Variants in NEGR1 observed in about 807,000 individuals in gnomAD.
NEGR1 encodes the protein IgLON family member 4.
In NEGR1, 10 loss-of-function variants were observed where a neutral mutation model predicts 40.9. The ratio of observed to expected loss-of-function variants is 0.24; its 90% confidence interval spans 0.15 to 0.42. NEGR1 has a LOEUF of 0.42. Ranked by LOEUF, NEGR1 falls within the 10% of genes least tolerant of loss-of-function variation. The pLI is 1.00. For synonymous variants in NEGR1, 185 were observed against 166.8 expected (o/e 1.11, Z -0.84); for missense variants, 352 against 438.9 (o/e 0.80, Z 1.77).
chr1:72,231,459 G>A (rs530331548), intron 1 of NEGR1, among the ~76,000 whole-genome samples: 2 of 152,266 alleles, frequency 1.3e-5, no homozygotes, highest in South Asian at 4.1e-4. Flanking sequence ...TGGGGACAAT[G>A]ATAGTACCTA....
intron 4 of NEGR1, among the ~76,000 whole-genome samples, chr1:71,629,230 A>T (rs1000191112): frequency 7.9e-5 from 12 of 151,892 alleles, no homozygotes; most frequent in Admixed American, 6.6e-4. Context: ...GTGTCTGTTC[A>T]TATCCTTTGC....
chr1:72,054,499 T>G (rs1021900524), intron 1 of NEGR1, among the ~76,000 whole-genome samples: 1 of 151,504 alleles, frequency 6.6e-6, no homozygotes, highest in Admixed American at 6.6e-5. Flanking sequence ...AAATAAATTT[T>G]ATTTTAAAAT....
At chr1:71,565,720 A>T (rs1648597458) in intron 6 of NEGR1, among the ~76,000 whole-genome samples, 1 of 152,190 alleles carries the variant, frequency 6.6e-6, no homozygotes, top group Admixed American at 6.5e-5. Context: ...TGGAGATAAG[A>T]TATTGAAAAG....
intron 1 of NEGR1, among the ~76,000 whole-genome samples, chr1:72,197,384 T>C (rs1368525064): frequency 1.3e-5 from 2 of 152,036 alleles, no homozygotes; most frequent in African/African-American, 4.8e-5. Flanking sequence ...ATTTTGCCTT[T>C]AGACTTCAAT....
At chr1:71,805,419 G>A (rs1197509149) in intron 2 of NEGR1, among the ~76,000 whole-genome samples, 1 of 151,898 alleles carries the variant, frequency 6.6e-6, no homozygotes, top group Non-Finnish European at 1.5e-5. Flanking sequence ...TGTCTCCCCC[G>A]GACACCCAGT....
intron 1 of NEGR1, among the ~76,000 whole-genome samples, chr1:72,006,949 G>A (rs1646613201): frequency 6.6e-6 from 1 of 151,988 alleles, no homozygotes; most frequent in African/African-American, 2.4e-5. Context: ...AATTAATAGT[G>A]CATTTTTTTG....
At chr1:71,433,284 T>C (rs1289302471) in intron 6 of NEGR1, among the ~76,000 whole-genome samples, 2 of 152,212 alleles carry the variant, frequency 1.3e-5, no homozygotes, top group East Asian at 1.9e-4. Flanking sequence ...AATAGTGAAA[T>C]GGTTACTGTA....
chr1:71,884,169 CTG>C (rs1660660670), intron 2 of NEGR1, among the ~76,000 whole-genome samples: 3 of 152,148 alleles, frequency 2.0e-5, no homozygotes, highest in African/African-American at 7.2e-5. Context: ...TTTCCTAACA[CTG>C]TGTTTAATTG....
chr1:71,974,320 G>A (rs985345570), intron 1 of NEGR1, among the ~76,000 whole-genome samples: 25 of 152,112 alleles, frequency 1.6e-4, no homozygotes, highest in Admixed American at 1.6e-3. Flanking sequence ...ACATTAATAT[G>A]TATTCTTATG....
intron 2 of NEGR1, among the ~76,000 whole-genome samples, chr1:71,866,195 A>G (rs1339573749): frequency 6.6e-6 from 1 of 152,128 alleles, no homozygotes; most frequent in African/African-American, 2.4e-5. Context: ...GGTTACAAAA[A>G]AACTACTTGA....
intron 1 of NEGR1, among the ~76,000 whole-genome samples, chr1:72,139,656 T>C (rs913630125): frequency 4.6e-5 from 7 of 152,028 alleles, no homozygotes; most frequent in African/African-American, 1.7e-4. Flanking sequence ...TGTAAAATTC[T>C]AGAAAATGAA....
At chr1:71,821,562 T>C (rs1295479277) in intron 2 of NEGR1, among the ~76,000 whole-genome samples, 2 of 151,996 alleles carry the variant, frequency 1.3e-5, no homozygotes, top group African/African-American at 2.4e-5. Flanking sequence ...GAAAGGGCTC[T>C]GAAGAGGTTC....
intron 3 of NEGR1, among the ~76,000 whole-genome samples, chr1:71,740,676 T>C (rs1655186194): frequency 6.6e-6 from 1 of 152,148 alleles, no homozygotes; most frequent in South Asian, 2.1e-4. Context: ...CTCAAGGGAC[T>C]GTATCATTGG....
At chr1:71,881,183 G>A (rs1660573998) in intron 2 of NEGR1, among the ~76,000 whole-genome samples, 1 of 151,924 alleles carries the variant, frequency 6.6e-6, no homozygotes, top group African/African-American at 2.4e-5. Flanking sequence ...CAGATCATAG[G>A]ACCCTAAATA....
intron 1 of NEGR1, among the ~76,000 whole-genome samples, chr1:71,954,812 G>C (rs566776343): frequency 6.6e-6 from 1 of 152,114 alleles, no homozygotes; most frequent in African/African-American, 2.4e-5. Flanking sequence ...CTAATAAAAA[G>C]TACTGCAGTC....
intron 6 of NEGR1, among the ~76,000 whole-genome samples, chr1:71,510,134 A>T (rs1647063067): frequency 6.6e-6 from 1 of 152,222 alleles, no homozygotes. Flanking sequence ...TGGTGGCTTC[A>T]ATCCTTATAT....
intron 2 of NEGR1, among the ~76,000 whole-genome samples, chr1:71,820,183 G>A (rs554217227): frequency 7.9e-5 from 12 of 152,054 alleles, no homozygotes; most frequent in African/African-American, 2.6e-4. Flanking sequence ...ACACCAGTGG[G>A]GGCAAAATAA....
At chr1:71,974,835 G>A (rs1208787411) in intron 1 of NEGR1, among the ~76,000 whole-genome samples, 1 of 152,122 alleles carries the variant, frequency 6.6e-6, no homozygotes, top group Non-Finnish European at 1.5e-5. Flanking sequence ...TAATCATGAT[G>A]CTACATTATC....
At chr1:71,690,565 AACACACACAC>A (rs3980432) in intron 4 of NEGR1, among the ~76,000 whole-genome samples, 12 of 119,270 alleles carry the variant, frequency 1.0e-4, no homozygotes, top group East Asian at 7.6e-4. Flanking sequence ...TAAGTTATAT[AACACACACAC>A]ACACACACAC....
Sources: gnomAD v4.1 joint callset for allele counts (sites outside exome capture counted in the v4.1 genomes callset) on GRCh38, gnomAD v4.1.1 for gene constraint, MANE v1.5 for transcripts, NCBI Gene and HGNC (gene_info 2026-07-23, HGNC 2026-07-21) for gene names.